Variants in CCDC171 observed in about 807,000 individuals in gnomAD.
The protein encoded by CCDC171 is coiled-coil domain-containing protein 171.
In CCDC171, 177 loss-of-function variants were observed where a neutral mutation model predicts 168.2. That is an observed-to-expected ratio of 1.05 (90% confidence interval 0.93 to 1.19). The LOEUF is 1.19. Ranked by LOEUF, CCDC171 falls within the 50% of genes most tolerant of loss-of-function variation. CCDC171 has a pLI of 0.00. For synonymous variants in CCDC171, 687 were observed against 540.8 expected, an observed-to-expected ratio of 1.27 and a Z score of -3.75; for missense variants, 1,991 against 1,539.0, an observed-to-expected ratio of 1.29 and a Z score of -4.91.
chr9:15,909,198 C>G (rs79232561), intron 24 of CCDC171, among the ~76,000 whole-genome samples: 107 of 152,264 alleles, frequency 7.0e-4, no homozygotes, highest in Non-Finnish European at 1.3e-3. Context: ...AGGCCTTCTA[C>G]CCCGTCTCCT....
chr9:15,971,712 A>T lies in CCDC171; in HGVS notation c.3857A>T (p.Asp1286Val). The change falls in exon 26 of 26, where the codon GAT (aspartate) becomes GTT (valine). Residue 1286 changes from aspartate to valine, a missense_variant. Asp to Val is a radical substitution (Grantham distance 152). Coordinates refer to ENST00000380701, the MANE Select transcript of CCDC171 (RefSeq NM_173550.4). ...TTCTTACCATTGAAAGCTGAACTTG[A>T]TACTACTTACACTTTCTTAAAGGAG... The part of the protein sequence containing the change: ...GDFLPLKAEL[D>V]TTYTFLKETF... 6.2e-7 allele frequency: 1 copy of T among 1,613,824 alleles called. No homozygotes were observed. The highest frequency in any genetic ancestry group is 1.1e-5 in the South Asian group (1 of 91,060).
At chr9:15,734,078 G>C (rs747896797) in intron 16 of CCDC171, among the ~76,000 whole-genome samples, 1 of 152,122 alleles carries the variant, frequency 6.6e-6, no homozygotes, top group Non-Finnish European at 1.5e-5. Flanking sequence ...CCCAGCTGCA[G>C]TTCATTTTTT....
intron 8 of CCDC171, 24 bp downstream of exon 8, chr9:15,657,243 G>T: frequency 6.8e-7 from 1 of 1,472,920 alleles, no homozygotes; most frequent in South Asian, 1.2e-5. Flanking sequence ...AAATATTTTG[G>T]CCTGCATTTT....
intron 25 of CCDC171, among the ~76,000 whole-genome samples, chr9:15,948,576 G>T (rs1247090525): frequency 6.6e-6 from 1 of 152,086 alleles, no homozygotes; most frequent in Non-Finnish European, 1.5e-5. Flanking sequence ...CTGATGGCCA[G>T]TGATGGTGAG....
intron 11 of CCDC171, among the ~76,000 whole-genome samples, chr9:15,701,600 G>A (rs1487901315): frequency 8.2e-6 from 1 of 121,700 alleles, no homozygotes; most frequent in Non-Finnish European, 1.7e-5. Context: ...TTTTTTTTGA[G>A]ACAGAGTATC....
chr9:16,023,388 C>T (rs111605231), intron 6 of CCDC171, among the ~76,000 whole-genome samples: 2,370 of 152,228 alleles, frequency 0.016, 62 homozygotes, highest in African/African-American at 0.053. Flanking sequence ...TTCTGTATTT[C>T]TTCTCAAATT....
intron 18 of CCDC171, among the ~76,000 whole-genome samples, chr9:15,755,400 A>G (rs1488710627): frequency 6.6e-6 from 1 of 152,200 alleles, no homozygotes; most frequent in Non-Finnish European, 1.5e-5. Context: ...GAGTTATCAT[A>G]TGAGCTAGCA....
At chr9:15,856,978 C>T (rs2061370582) in intron 23 of CCDC171, among the ~76,000 whole-genome samples, 1 of 151,960 alleles carries the variant, frequency 6.6e-6, no homozygotes, top group South Asian at 2.1e-4. Flanking sequence ...AGGATGTTTT[C>T]ATATACCTGT....
intron 21 of CCDC171, among the ~76,000 whole-genome samples, chr9:15,822,397 A>C: frequency 6.6e-6 from 1 of 151,792 alleles, no homozygotes; most frequent in East Asian, 1.9e-4. Flanking sequence ...TGAACAGGCA[A>C]CCTACAGAAT....
chr9:15,651,207 C>G (rs543445495), intron 7 of CCDC171, among the ~76,000 whole-genome samples: 1 of 151,860 alleles, frequency 6.6e-6, no homozygotes, highest in African/African-American at 2.4e-5. Flanking sequence ...CTCCCGGGTT[C>G]AAGTGATTCT....
At chr9:15,587,238 C>T (rs565530865) in intron 4 of CCDC171, among the ~76,000 whole-genome samples, 60 of 152,286 alleles carry the variant, frequency 3.9e-4, no homozygotes, top group African/African-American at 1.4e-3. Flanking sequence ...CTCTGTGTCC[C>T]CTCCCAAATC....
chr9:15,815,134 G>A (rs189477608), intron 21 of CCDC171, among the ~76,000 whole-genome samples: 1 of 152,178 alleles, frequency 6.6e-6, no homozygotes, highest in East Asian at 1.9e-4. Flanking sequence ...TCATTGTTTT[G>A]TGTCATCTGC....
chr9:16,009,137 C>T (rs1027241593), intron 3 of CCDC171, among the ~76,000 whole-genome samples: 8 of 152,068 alleles, frequency 5.3e-5, no homozygotes, highest in African/African-American at 1.7e-4. Context: ...CAGTTTAGGT[C>T]CTCTTTATCT....
At chr9:15,934,025 A>T (rs181994803) in intron 25 of CCDC171, among the ~76,000 whole-genome samples, 131 of 152,136 alleles carry the variant, frequency 8.6e-4, no homozygotes, top group Admixed American at 1.6e-3. Context: ...TATATATCTG[A>T]TTAATCCCTG....
the CCDC171 span, among the ~76,000 whole-genome samples, chr9:16,108,726 G>A: frequency 7.9e-5 from 12 of 152,286 alleles, no homozygotes; most frequent in African/African-American, 2.9e-4. Flanking sequence ...GCATCTGCCA[G>A]TTCAGCCGGC....
intron 18 of CCDC171, among the ~76,000 whole-genome samples, chr9:15,748,967 T>C (rs553819871): frequency 2.0e-5 from 3 of 152,120 alleles, no homozygotes; most frequent in Non-Finnish European, 4.4e-5. Context: ...CATATAACAA[T>C]ATTAACCTTA....
At chr9:15,665,796 A>G (rs945897513) in intron 8 of CCDC171, among the ~76,000 whole-genome samples, 1 of 152,152 alleles carries the variant, frequency 6.6e-6, no homozygotes, top group African/African-American at 2.4e-5. Context: ...AAACCCAAAC[A>G]TTTAATTTAT....
chr9:15,914,989 G>A (rs1184511561), intron 24 of CCDC171, among the ~76,000 whole-genome samples: 9 of 151,944 alleles, frequency 5.9e-5, no homozygotes, highest in Admixed American at 3.9e-4. Context: ...CTGTCTAACC[G>A]GCCCCAGTGA....
chr9:16,085,815 T>A, the CCDC171 span, among the ~76,000 whole-genome samples: 1 of 152,224 alleles, frequency 6.6e-6, no homozygotes, highest in Non-Finnish European at 1.5e-5. Context: ...TGTATGATTA[T>A]CACAAATATA....
Sources: gnomAD v4.1 joint callset for allele counts (sites outside exome capture counted in the v4.1 genomes callset) on GRCh38, gnomAD v4.1.1 for gene constraint, MANE v1.5 for transcripts, NCBI Gene and HGNC (gene_info 2026-07-23, HGNC 2026-07-21) for gene names.